Variants in ANKS1B observed in about 807,000 individuals in gnomAD.
ANKS1B encodes ankyrin repeat and sterile alpha motif domain containing 1B.
ANKS1B carries 36 observed loss-of-function variants against 148.3 expected under a neutral mutation model. The ratio of observed to expected loss-of-function variants is 0.24; its 90% CI spans 0.19 to 0.32. ANKS1B has a LOEUF of 0.32. Among genes scored for constraint, ANKS1B ranks in the 10% least tolerant of loss-of-function variants. The pLI, the probability that ANKS1B is intolerant of heterozygous loss-of-function variation, is 1.00. For synonymous variants in ANKS1B, 542 were observed against 560.8 expected (o/e 0.97, Z 0.47); for missense variants, 1,157 against 1,542.6 (o/e 0.75, Z 4.19).
intron 16 of ANKS1B, among the ~76,000 whole-genome samples, chr12:99,083,301 A>G (rs927173221): frequency 6.6e-6 from 1 of 152,170 alleles, no homozygotes; most frequent in African/African-American, 2.4e-5. Flanking sequence ...ACAATCTCAA[A>G]TATCCAGGTG....
chr12:98,851,840 C>T (rs1312815204), intron 17 of ANKS1B, among the ~76,000 whole-genome samples: 1 of 151,130 alleles, frequency 6.6e-6, no homozygotes, highest in Non-Finnish European at 1.5e-5. Flanking sequence ...CCTGGCCAAC[C>T]CAGTGAAACC....
Position 99,123,013 on chromosome 12 carries a change from T to TATAA in ANKS1B, c.2526+31275_2526+31276insTTAT, listed in dbSNP as rs1406812994. 3.5e-3 allele frequency among the ~76,000 whole-genome samples: 509 copies of TATAA among 145,684 alleles called. 8 individuals are homozygous for TATAA. The highest frequency in any genetic ancestry group is 0.012 in the African/African-American group (483 of 39,482). On this transcript the variant is annotated intron_variant, in intron 15 of 26. Transcript: ENST00000683438. ...TAAAAAAAAAATATATATATATATATAAACATGTATATAAACCAACAAAAC... is the reference window on the plus strand; with the variant it reads ...TAAAAAAAAAATATATATATATATATATAAAAACATGTATATAAACCAACAAAAC...
At chr12:99,409,092 C>A (rs1452956321) in intron 11 of ANKS1B, among the ~76,000 whole-genome samples, 1 of 152,150 alleles carries the variant, frequency 6.6e-6, no homozygotes, top group African/African-American at 2.4e-5. Context: ...GATTTAGAAG[C>A]CACCTAAGTG....
rs570598078 is a variant in ANKS1B at position 99,396,401 on chromosome 12, T to G, written c.1756+3230A>C. Among the ~76,000 whole-genome samples, 4 of 152,318 alleles carry G rather than the reference T, an allele frequency of 2.6e-5. No homozygotes were observed. In the East Asian group the frequency reaches 7.7e-4, roughly 29 times the overall value. On this transcript the variant is annotated intron_variant, in intron 12 of 26. Coordinates refer to ENST00000683438, the MANE Select transcript of ANKS1B (RefSeq NM_001352186.2). Reference sequence around the variant, plus strand: ...TGCCTTCCTTACAAGTTTTCCTTTTTAATGTAAAGCAAAGCAAATTGTGCT... The same window carrying G: ...TGCCTTCCTTACAAGTTTTCCTTTTGAATGTAAAGCAAAGCAAATTGTGCT...
At chr12:98,749,386 C>T (rs781278004) in intron 26 of ANKS1B, among the ~76,000 whole-genome samples, 2 of 151,958 alleles carry the variant, frequency 1.3e-5, no homozygotes, top group Non-Finnish European at 2.9e-5. Flanking sequence ...GGATTACAGG[C>T]GTGAGCCACC....
intron 8 of ANKS1B, among the ~76,000 whole-genome samples, chr12:99,665,684 CACCGTGTTA>C (rs1480976600): frequency 2.6e-5 from 4 of 152,162 alleles, no homozygotes; most frequent in Admixed American, 2.6e-4. Context: ...GACGGGGTTT[CACCGTGTTA>C]ACCAGGATGG....
At chr12:99,911,383 T>C (rs1042402920) in intron 1 of ANKS1B, among the ~76,000 whole-genome samples, 14 of 152,084 alleles carry the variant, frequency 9.2e-5, no homozygotes, top group African/African-American at 2.4e-4. Context: ...AACATGGAAA[T>C]TGGAATAGAA....
rs2097846511 is a variant in ANKS1B, at chr12:98,744,784, A to G, written c.*955T>C. 1 of 981,768 alleles carries G rather than the reference A, an allele frequency of 1.0e-6. No homozygotes were observed. 60.8% of individuals were successfully genotyped at this position (981,768 alleles called of 1,614,324 possible). ...TTTCCATGACAGAAATCTTGACAGC[A>G]GGAGCACTAGATTTTTTTTTTTTTA... On this transcript the variant is annotated 3_prime_UTR_variant, in exon 27 of 27. Coordinates refer to ENST00000683438, the MANE Select transcript of ANKS1B (RefSeq NM_001352186.2).
intron 8 of ANKS1B, among the ~76,000 whole-genome samples, chr12:99,695,855 C>T (rs900973151): frequency 5.9e-5 from 9 of 152,248 alleles, no homozygotes; most frequent in African/African-American, 2.2e-4. Flanking sequence ...AACAAACCTG[C>T]ACATCCTGCA....
intron 22 of ANKS1B, among the ~76,000 whole-genome samples, chr12:98,786,555 G>T (rs1197729803): frequency 1.3e-5 from 2 of 152,136 alleles, no homozygotes; most frequent in African/African-American, 4.8e-5. Context: ...TTTTATTACT[G>T]CCTTAAAGCA....
intron 17 of ANKS1B, among the ~76,000 whole-genome samples, chr12:98,874,110 T>C (rs1567400687): frequency 6.6e-6 from 1 of 152,078 alleles, no homozygotes; most frequent in Non-Finnish European, 1.5e-5. Context: ...ATCTAAAACA[T>C]ACAGAATCAA....
At chr12:99,589,018 C>A (rs1343642420) in intron 9 of ANKS1B, among the ~76,000 whole-genome samples, 1 of 152,204 alleles carries the variant, frequency 6.6e-6, no homozygotes, top group African/African-American at 2.4e-5. Flanking sequence ...ACACTACAAA[C>A]ACTTCAAACT....
At chr12:99,960,682 T>C (rs2095398332) in intron 1 of ANKS1B, among the ~76,000 whole-genome samples, 1 of 152,172 alleles carries the variant, frequency 6.6e-6, no homozygotes, top group Non-Finnish European at 1.5e-5. Flanking sequence ...TGGCGGCCCT[T>C]AGTCAACTAA....
chr12:99,612,722 T>C (rs2097913145), intron 9 of ANKS1B, among the ~76,000 whole-genome samples: 1 of 152,150 alleles, frequency 6.6e-6, no homozygotes, highest in African/African-American at 2.4e-5. Flanking sequence ...TCCTTGAATT[T>C]ATCAGTAAAT....
At chr12:99,299,559 T>C (rs928695308) in intron 12 of ANKS1B, among the ~76,000 whole-genome samples, 1 of 152,216 alleles carries the variant, frequency 6.6e-6, no homozygotes, top group African/African-American at 2.4e-5. Flanking sequence ...TGTTTCTTAG[T>C]CCTAAGCTTC....
intron 24 of ANKS1B, among the ~76,000 whole-genome samples, chr12:98,780,915 T>C (rs978264389): frequency 2.6e-5 from 4 of 151,570 alleles, no homozygotes; most frequent in Admixed American, 1.3e-4. Flanking sequence ...TTCCCCCAAA[T>C]GGTTCCTTTC....
chr12:99,717,879 G>T (rs914796613), intron 8 of ANKS1B, among the ~76,000 whole-genome samples: 7 of 150,616 alleles, frequency 4.6e-5, no homozygotes, highest in African/African-American at 1.7e-4. Context: ...CCCAACTCTG[G>T]TGCCAACTTA....
At chr12:99,854,381 G>A (rs573062291) in intron 1 of ANKS1B, among the ~76,000 whole-genome samples, 22 of 152,256 alleles carry the variant, frequency 1.4e-4, no homozygotes, top group Admixed American at 1.3e-3. Flanking sequence ...AAGGAACAAA[G>A]CCTCCAATAA....
intron 14 of ANKS1B, among the ~76,000 whole-genome samples, chr12:99,179,681 A>G (rs2078880588): frequency 6.6e-6 from 1 of 152,112 alleles, no homozygotes; most frequent in Non-Finnish European, 1.5e-5. Flanking sequence ...TGACCATGGG[A>G]AAAACTCTCT....
Sources: gnomAD v4.1 joint callset for allele counts (sites outside exome capture counted in the v4.1 genomes callset) on GRCh38, gnomAD v4.1.1 for gene constraint, MANE v1.5 for transcripts, NCBI Gene and HGNC (gene_info 2026-07-23, HGNC 2026-07-21) for gene names.